Variants in ABCC4 observed in about 807,000 individuals in gnomAD.
The protein encoded by ABCC4 is ATP binding cassette subfamily C member 4 (PEL blood group), also known as ATP-binding cassette sub-family C member 4.
ABCC4 carries 102 observed loss-of-function variants against 168.5 expected under a neutral mutation model. That is an observed-to-expected ratio of 0.61 (90% CI 0.52 to 0.71). The LOEUF (loss-of-function observed/expected upper bound fraction) is 0.71. Among genes scored for constraint, ABCC4 ranks in the 30% least tolerant of loss-of-function variants. The pLI is 0.00. For synonymous variants in ABCC4, 617 were observed against 590.7 expected, an observed-to-expected ratio of 1.04 and a Z score of -0.65; for missense variants, 1,402 against 1,605.8, an observed-to-expected ratio of 0.87 and a Z score of 2.17.
At chr13:95,118,280 T>C (rs1036232268) in intron 19 of ABCC4, among the ~76,000 whole-genome samples, 1 of 150,248 alleles carries the variant, frequency 6.7e-6, no homozygotes, top group Non-Finnish European at 1.5e-5. Flanking sequence ...TGAGATGGAG[T>C]CTCACTCTGT....
chr13:95,082,552 G>A (rs539771959), intron 21 of ABCC4, among the ~76,000 whole-genome samples: 1 of 152,252 alleles, frequency 6.6e-6, no homozygotes, highest in East Asian at 1.9e-4. Flanking sequence ...AGCACCGCTG[G>A]TAACAAATGG....
chr13:95,294,743 AG>A (rs2041484590), intron 1 of ABCC4, among the ~76,000 whole-genome samples: 1 of 152,168 alleles, frequency 6.6e-6, no homozygotes, highest in African/African-American at 2.4e-5. Flanking sequence ...ACCCGAGGTC[AG>A]GAGTTCAAGA....
Position 95,247,691 on chromosome 13 carries a change from G to A in ABCC4, c.137C>T (p.Ser46Leu), listed in dbSNP as rs775555726. 6 of 1,613,900 alleles carry A rather than the reference G, an allele frequency of 3.7e-6. No individual in the cohort carries two copies. In the African/African-American group the frequency reaches 8.0e-5, roughly 22 times the overall value. Residue 46 changes from serine to leucine, a missense_variant, in exon 2 of 31, where the codon TCA (serine) becomes TTA (leucine). Ser to Leu is a moderately radical substitution (Grantham distance 145). This residue lies in a region of ABCC4 where 317 missense variants were observed against 345.5 expected (regional missense o/e 0.92). Transcript: ENST00000645237. ...CTGTGAGCGGTCTTCTGGCAGCACTGAATACATATCATCTTCCTCTAATCT... is the reference window on the plus strand; with the variant it reads ...CTGTGAGCGGTCTTCTGGCAGCACTAAATACATATCATCTTCCTCTAATCT... Reference protein sequence around the residue: ...KRRLEEDDMYSVLPEDRSQHL... With the variant: ...KRRLEEDDMYLVLPEDRSQHL...
intron 20 of ABCC4, among the ~76,000 whole-genome samples, chr13:95,097,190 A>G (rs1228354641): frequency 1.4e-5 from 2 of 146,574 alleles, no homozygotes; most frequent in African/African-American, 5.1e-5. Context: ...AATAACATAA[A>G]GAGTAGAGCT....
Position 95,210,625 on chromosome 13 carries a change from A to C in ABCC4, c.621+67T>G, listed in dbSNP as rs1594305061. On this transcript the variant is annotated intron_variant, in intron 5 of 30. Coordinates refer to ENST00000645237, the MANE Select transcript of ABCC4 (RefSeq NM_005845.5). ...GTGAACAGAGTGAGCCCCTGCCTCC[A>C]GAAAGAATAAAAGGGGAAAGAGGGG... The C allele has an allele frequency of 2.2e-5, 30 of 1,365,286 alleles. 1 individual carries two copies. The East Asian group carries it at 6.9e-4, about 31-fold the overall frequency. 84.6% of individuals were successfully genotyped at this position (1,365,286 alleles called of 1,614,324 possible).
chr13:95,023,845 G>C (rs1412263708), intron 30 of ABCC4, among the ~76,000 whole-genome samples: 2 of 152,156 alleles, frequency 1.3e-5, no homozygotes, highest in Non-Finnish European at 2.9e-5. Context: ...GGTAACCTGG[G>C]AGGCAGAAAG....
At chr13:95,149,335 T>C (rs55942423) in intron 19 of ABCC4, among the ~76,000 whole-genome samples, 100 of 152,350 alleles carry the variant, frequency 6.6e-4, no homozygotes, top group Non-Finnish European at 1.3e-3. Context: ...ATACAGTTCA[T>C]TGGTAGAACT....
At chr13:95,120,718 T>C (rs773546633) in intron 19 of ABCC4, among the ~76,000 whole-genome samples, 3 of 152,148 alleles carry the variant, frequency 2.0e-5, no homozygotes, top group Non-Finnish European at 4.4e-5. Context: ...GGAACCACTA[T>C]CTTGAGATGT....
rs73555580 is a variant in ABCC4, at chr13:95,044,105, G to A, written c.3629+161C>T. Among the ~76,000 whole-genome samples the A allele has an allele frequency of 7.9e-3, 1,204 of 152,114 alleles. 20 individuals carry two copies. Among genetic ancestry groups the A allele is most frequent in the African/African-American group, 0.028 (1,141 of 41,488 alleles). ...TAATATCTCTGACACTGGAAAACAC[G>A]TTTGGGTTTCTTCTTTTTTTTTCAG... On this transcript the variant is annotated intron_variant, in intron 28 of 30. Coordinates refer to ENST00000645237, the MANE Select transcript of ABCC4 (RefSeq NM_005845.5).
At chr13:95,120,567 CAA>C (rs35906536) in intron 19 of ABCC4, among the ~76,000 whole-genome samples, 217 of 90,828 alleles carry the variant, frequency 2.4e-3, no homozygotes, top group African/African-American at 5.4e-3. Context: ...GAGACTCCGT[CAA>C]AAAAAAAAAA....
intron 4 of ABCC4, among the ~76,000 whole-genome samples, chr13:95,229,873 C>G (rs2039571127): frequency 6.6e-6 from 1 of 152,172 alleles, no homozygotes; most frequent in South Asian, 2.1e-4. Context: ...ACTAAAGGGA[C>G]CCTCTTCCTC....
chr13:95,256,401 G>A (rs7320383), intron 1 of ABCC4, among the ~76,000 whole-genome samples: 141,035 of 152,296 alleles, frequency 0.93, 65,509 homozygotes, highest in East Asian at 1. Flanking sequence ...CTAGATGCAG[G>A]GCTCATTGTT....
At chr13:95,030,555 G>C (rs1414114767) in intron 30 of ABCC4, among the ~76,000 whole-genome samples, 1 of 152,214 alleles carries the variant, frequency 6.6e-6, no homozygotes, top group African/African-American at 2.4e-5. Context: ...GTGTAATTAA[G>C]TTAAAATGAG....
In ABCC4 at chr13:95,301,358, G is replaced by C; in HGVS notation, c.-44C>G. On this transcript the variant is annotated 5_prime_UTR_variant, in exon 1 of 31. Transcript: ENST00000645237. ...CGCGGGCCGGGGTCGCGCTGATCAG[G>C]CGGCGGTGGCCGCGGGCTCCGCTCC... 11 of 1,526,118 alleles carry C rather than the reference G, an allele frequency of 7.2e-6. No homozygotes were observed. The highest frequency in any genetic ancestry group is 9.7e-6 in the Non-Finnish European group (11 of 1,133,710). The allele number at this position is 1,526,118 out of a possible 1,614,324, so 94.5% of individuals were successfully genotyped here. A position where few individuals can be genotyped will look rare whatever the true frequency, so the allele number is the denominator to read the frequency against.
chr13:95,136,144 G>C (rs988200980), intron 19 of ABCC4, among the ~76,000 whole-genome samples: 1 of 152,012 alleles, frequency 6.6e-6, no homozygotes, highest in Non-Finnish European at 1.5e-5. Context: ...TTTCATTGTG[G>C]GGAAAGATCT....
intron 19 of ABCC4, among the ~76,000 whole-genome samples, chr13:95,138,035 G>A (rs1442704911): frequency 9.9e-5 from 15 of 152,140 alleles, no homozygotes; most frequent in Non-Finnish European, 1.5e-4. Context: ...TATTTTTACA[G>A]AAAAAGGACC....
At chr13:95,135,830 C>T (rs1347638357) in intron 19 of ABCC4, among the ~76,000 whole-genome samples, 1 of 152,120 alleles carries the variant, frequency 6.6e-6, no homozygotes, top group Non-Finnish European at 1.5e-5. Context: ...AATCATTAGG[C>T]ATAAAAACTA....
At chr13:95,141,093 C>T (rs1337816392) in intron 19 of ABCC4, among the ~76,000 whole-genome samples, 1 of 152,176 alleles carries the variant, frequency 6.6e-6, no homozygotes, top group African/African-American at 2.4e-5. Flanking sequence ...GATGAAAAGT[C>T]GTGTTGCTCA....
At chr13:95,105,514 C>T (rs2034972806) in intron 20 of ABCC4, among the ~76,000 whole-genome samples, 1 of 152,174 alleles carries the variant, frequency 6.6e-6, no homozygotes, top group Non-Finnish European at 1.5e-5. Flanking sequence ...GAAGTTAATA[C>T]CTTAACTTTC....
Sources: allele counts gnomAD v4.1 joint callset (sites outside exome capture counted in the v4.1 genomes callset), GRCh38; gene constraint gnomAD v4.1.1; regional missense constraint gnomAD v4.1.1; transcripts MANE v1.5; gene names NCBI Gene and HGNC (gene_info 2026-07-23, HGNC 2026-07-21).